OPA1: variants seen among roughly 807,000 people sequenced by gnomAD.
OPA1 encodes the protein OPA1 mitochondrial dynamin like GTPase.
A neutral mutation model predicts 152.9 loss-of-function variants in OPA1; 59 were observed. The ratio of observed to expected loss-of-function variants is 0.39; its 90% CI spans 0.31 to 0.48. The LOEUF is 0.48. OPA1 is among the 20% of genes least tolerant of loss of function. OPA1 has a pLI of 0.96. For synonymous variants in OPA1, 400 were observed against 389.9 expected, an observed-to-expected ratio of 1.03 and a Z score of -0.31; for missense variants, 1,008 against 1,216.8, an observed-to-expected ratio of 0.83 and a Z score of 2.55.
chr3:193,671,697 A>G (rs1717957886), intron 29 of OPA1, among the ~76,000 whole-genome samples: 1 of 152,190 alleles, frequency 6.6e-6, no homozygotes, highest in Non-Finnish European at 1.5e-5. Context: ...GTTTCAGGAG[A>G]AATATGATCT....
intron 8 of OPA1, chr3:193,631,882 A>G (rs1732135880): frequency 1.7e-6 from 1 of 584,758 alleles, no homozygotes; most frequent in Non-Finnish European, 3.0e-6. Context: ...GTAAAAACCT[A>G]TTTTGAGTGA....
rs745913434 is a variant in OPA1 at position 193,666,338 on chromosome 3, A to G, written c.2821A>G (p.Met941Val). ...DVVLFWRIQR[M>V]LAITANTLRQ... is the part of the protein sequence containing the mutation. The stretch of plus-strand genomic sequence containing the variant: ...GGTCTTGTTTTGGCGTATACAGCGC[A>G]TGCTTGCTATCACCGCAAATACTTT... The change falls in exon 28 of 31, where the codon ATG (methionine) becomes GTG (valine). Residue 941 changes from methionine to valine, a missense_variant. Around this residue, in one of 7 missense-constraint regions of OPA1, gnomAD observed 137 missense variants for 171.0 expected, o/e 0.80. Transcript: ENST00000361510. 5.0e-6 allele frequency: 8 copies of G among 1,614,194 alleles called. No homozygotes were observed. The highest frequency in any genetic ancestry group is 6.8e-6 in the Non-Finnish European group (8 of 1,180,022).
intron 1 of OPA1, among the ~76,000 whole-genome samples, chr3:193,605,796 A>G (rs1478700332): frequency 6.6e-6 from 1 of 152,226 alleles, no homozygotes; most frequent in Non-Finnish European, 1.5e-5. Context: ...AAGGGGGCTC[A>G]GAGTTAATTG....
intron 30 of OPA1, among the ~76,000 whole-genome samples, chr3:193,694,286 A>G (rs1364718813): frequency 1.3e-5 from 2 of 152,252 alleles, no homozygotes; most frequent in Non-Finnish European, 2.9e-5. Context: ...ACCCTAAGGA[A>G]TACTTTCTCA....
intron 1 of OPA1, among the ~76,000 whole-genome samples, chr3:193,598,249 A>G (rs1358685868): frequency 6.6e-6 from 1 of 152,200 alleles, no homozygotes; most frequent in East Asian, 1.9e-4. Context: ...TGGTGGAGAT[A>G]CAGTAGGTGA....
At position 193,692,725 on chromosome 3, in the gene OPA1, A is replaced by G. The variant is rs190671042; in HGVS notation, c.*5+593A>G. Among the ~76,000 whole-genome samples the G allele has an allele frequency of 1.7e-3, 266 of 152,346 alleles. 1 individual carries two copies. The highest frequency in any genetic ancestry group is 0.01 in the Middle Eastern group (3 of 294). On this transcript the variant is annotated intron_variant, in intron 30 of 30. Coordinates refer to ENST00000361510, the MANE Select transcript of OPA1 (RefSeq NM_130837.3). Reference sequence around the variant, plus strand: ...TATTTAAGGACTTTTCCTTAGTAGCATAATCAATTAATTGTTGCTGAAGAA... The same window carrying G: ...TATTTAAGGACTTTTCCTTAGTAGCGTAATCAATTAATTGTTGCTGAAGAA...
At chr3:193,688,994 A>G (rs1230108958) in intron 29 of OPA1, 1 of 152,162 alleles carries the variant, frequency 6.6e-6, no homozygotes, top group Non-Finnish European at 1.5e-5. Flanking sequence ...ACAAACAAAC[A>G]TCGTAGCAGA....
intron 18 of OPA1, 41 bp from the exon 19 acceptor site, chr3:193,647,024 C>G: frequency 7.5e-7 from 1 of 1,338,678 alleles, no homozygotes; most frequent in Non-Finnish European, 1.1e-6. Flanking sequence ...TCCTTTTTGT[C>G]ATTTTAATAT....
At position 193,692,068 on chromosome 3, in the gene OPA1, GT is replaced by G. The variant is rs80356531; in HGVS notation, c.2991del (p.Arg998GlufsTer25). Reference protein sequence around the residue: ...RVQLAEDLKKVREIQEKLDAF... With the variant: ...RVQLAEDLKKXREIQEKLDAF... ...CTTTATTTTTATCTCCACAGAGAAA[GT>G]TAGAGAAATTCAAGAAAAACTTGAT... On this transcript the variant is annotated frameshift_variant, in exon 30 of 31. Coordinates refer to ENST00000361510, the MANE Select transcript of OPA1 (RefSeq NM_130837.3). LOFTEE classifies it high-confidence loss of function. 1 of 1,520,290 alleles carries G rather than the reference GT, an allele frequency of 6.6e-7. No homozygotes were observed. The highest frequency in any genetic ancestry group is 9.0e-7 in the Non-Finnish European group (1 of 1,107,668). 94.2% of individuals were successfully genotyped at this position (1,520,290 alleles called of 1,614,324 possible). A position where few individuals can be genotyped will look rare whatever the true frequency, so the allele number is the denominator to read the frequency against.
At chr3:193,643,270 A>G (rs1734053854) in intron 13 of OPA1, 103 bp from the exon 14 acceptor site, 3 of 962,124 alleles carry the variant, frequency 3.1e-6, no homozygotes, top group Non-Finnish European at 5.0e-6. Flanking sequence ...TCTTATCTGA[A>G]TGGATGAGAT....
intron 29 of OPA1, among the ~76,000 whole-genome samples, chr3:193,690,610 T>C (rs1310791735): frequency 2.6e-5 from 4 of 152,166 alleles, no homozygotes; most frequent in African/African-American, 7.2e-5. Context: ...GCAATGCTAA[T>C]AAGAATTCAT....
At chr3:193,626,261 A>G (rs1248818699) in intron 7 of OPA1, 59 bp downstream of exon 7, 1 of 1,188,436 alleles carries the variant, frequency 8.4e-7, no homozygotes, top group African/African-American at 1.5e-5. Context: ...ATTTCTGCCA[A>G]GATCATGTCA....
chr3:193,612,068 G>C (rs1279812878), intron 1 of OPA1, among the ~76,000 whole-genome samples: 1 of 151,968 alleles, frequency 6.6e-6, no homozygotes, highest in South Asian at 2.1e-4. Context: ...TGAATAAATT[G>C]GTAAATTCAT....
chr3:193,658,940 A>G lies in OPA1; in HGVS notation c.2385A>G (p.Gln795=), dbSNP rs772177326. 8.7e-6 allele frequency: 14 copies of G among 1,613,868 alleles called. No homozygotes were observed. The highest frequency in any genetic ancestry group is 3.3e-5 in the Admixed American group (2 of 60,000). The change falls in exon 24 of 31, where the codon CAA becomes CAG. Residue 795 remains glutamine (Q), a synonymous_variant. Coordinates refer to ENST00000361510, the MANE Select transcript of OPA1 (RefSeq NM_130837.3). The stretch of plus-strand genomic sequence containing the variant: ...ACCGATCCATATCTGATAAACAGCA[A>G]TGGGATGCAGCTATTTATTTTATGG... ...LEDRSISDKQ[Q]WDAAIYFMEE...
chr3:193,681,500 G>C (rs1464505878), intron 29 of OPA1, among the ~76,000 whole-genome samples: 1 of 152,148 alleles, frequency 6.6e-6, no homozygotes, highest in Non-Finnish European at 1.5e-5. Context: ...AGATAAAATT[G>C]GTGCCCCTCA....
At chr3:193,620,348 C>T (rs769951987) in intron 6 of OPA1, among the ~76,000 whole-genome samples, 5 of 152,134 alleles carry the variant, frequency 3.3e-5, no homozygotes, top group Non-Finnish European at 7.3e-5. Flanking sequence ...AGATAATTCC[C>T]TTAAAACCCG....
chr3:193,596,041 C>A (rs892706119), intron 1 of OPA1, among the ~76,000 whole-genome samples: 6 of 152,050 alleles, frequency 3.9e-5, no homozygotes, highest in African/African-American at 1.4e-4. Flanking sequence ...AGATACAAAA[C>A]ATACTGCATC....
intron 1 of OPA1, among the ~76,000 whole-genome samples, chr3:193,606,658 G>T (rs1442317198): frequency 2.0e-5 from 3 of 152,080 alleles, no homozygotes; most frequent in Non-Finnish European, 4.4e-5. Context: ...TCTTAATCCA[G>T]TCTATCATTG....
chr3:193,648,745 A>G (rs1375778563), intron 20 of OPA1, 50 bp from the exon 21 acceptor site: 9 of 1,277,040 alleles, frequency 7.0e-6, no homozygotes, highest in Non-Finnish European at 1.0e-5. Flanking sequence ...ATGACAGGGT[A>G]AATTTACTGT....
Sources: allele counts gnomAD v4.1 joint callset (sites outside exome capture counted in the v4.1 genomes callset), GRCh38; gene constraint gnomAD v4.1.1; regional missense constraint gnomAD v4.1.1; transcripts MANE v1.5; gene names NCBI Gene and HGNC (gene_info 2026-07-23, HGNC 2026-07-21).